The following DNAJC3 variants were observed in gnomAD, a reference collection of about 807,000 sequenced individuals.
DNAJC3 encodes dnaJ homolog subfamily C member 3.
DNAJC3 carries 38 observed loss-of-function variants against 68.6 expected under a neutral mutation model. The observed-to-expected ratio is 0.55, with a 90% confidence interval of 0.43 to 0.73. The LOEUF is 0.73. Ranked by LOEUF, DNAJC3 falls within the 30% of genes least tolerant of loss-of-function variation. DNAJC3 has a pLI of 0.00. For missense variants in DNAJC3, 526 were observed against 591.9 expected (o/e 0.89, Z 1.16); for synonymous variants, 203 against 204.0 (o/e 1.00, Z 0.04).
At position 95,711,503 on chromosome 13, in the gene DNAJC3, TA is replaced by T. The variant is rs147391726; in HGVS notation, c.193+2173del. ...GCAGAGTGAGACTCCATCTCAAAAT[TA>T]AAAAAACAGAAAACAAAAACTCTAC... On this transcript the variant is annotated intron_variant, in intron 2 of 11. Coordinates refer to ENST00000602402, the MANE Select transcript of DNAJC3 (RefSeq NM_006260.5). Among the ~76,000 whole-genome samples the T allele has an allele frequency of 1.3e-5, 2 of 150,852 alleles. 1 individual carries two copies. Among genetic ancestry groups the T allele is most frequent in the Non-Finnish European group, 3.0e-5 (2 of 67,772 alleles).
intron 2 of DNAJC3, among the ~76,000 whole-genome samples, chr13:95,714,672 CT>C (rs1390874207): frequency 1.3e-5 from 2 of 152,178 alleles, no homozygotes; most frequent in Admixed American, 1.3e-4. Flanking sequence ...ACTAAGTCCA[CT>C]ATTTTTCTGG....
At chr13:95,768,241 G>A (rs998168846) in intron 9 of DNAJC3, among the ~76,000 whole-genome samples, 2 of 152,100 alleles carry the variant, frequency 1.3e-5, no homozygotes, top group Non-Finnish European at 2.9e-5. Context: ...AATAAGAATA[G>A]TACTTATCTC....
At chr13:95,770,264 G>GA (rs566625500) in intron 9 of DNAJC3, among the ~76,000 whole-genome samples, 96 of 141,432 alleles carry the variant, frequency 6.8e-4, no homozygotes, top group East Asian at 1.0e-3. Flanking sequence ...TTTAAGAAAG[G>GA]AAAAAAAAAA....
At position 95,794,508 on chromosome 13, in the gene DNAJC3, T is replaced by A. The variant is rs568616826; in HGVS notation, c.*3478T>A. Reference sequence around the variant, plus strand: ...GGAAGGAAGAAGGCAAATGTTAATTTGCCAACAACGAATATCCTTTTTCTA... The same window carrying A: ...GGAAGGAAGAAGGCAAATGTTAATTAGCCAACAACGAATATCCTTTTTCTA... On this transcript the variant is annotated 3_prime_UTR_variant, in exon 12 of 12. Coordinates refer to ENST00000602402, the MANE Select transcript of DNAJC3 (RefSeq NM_006260.5). 1 of 152,370 alleles carries A rather than the reference T, an allele frequency of 6.6e-6. No homozygotes were observed. The highest frequency in any genetic ancestry group is 2.1e-4 in the South Asian group (1 of 4,830). The allele number at this position is 152,370 out of a possible 1,614,324, so 9.4% of individuals were successfully genotyped here.
chr13:95,781,314 C>T (rs781216503), intron 9 of DNAJC3, among the ~76,000 whole-genome samples: 2 of 152,084 alleles, frequency 1.3e-5, no homozygotes, highest in Non-Finnish European at 2.9e-5. Flanking sequence ...AGTCATCTCA[C>T]GGACTATCCT....
At chr13:95,679,943 T>C (rs900586502) in intron 1 of DNAJC3, among the ~76,000 whole-genome samples, 5 of 152,254 alleles carry the variant, frequency 3.3e-5, no homozygotes, top group African/African-American at 1.2e-4. Context: ...TTGCCTTTGT[T>C]TTCTTCTAGA....
intron 1 of DNAJC3, chr13:95,693,556 C>CCAGACAA (rs1232776709): frequency 6.6e-6 from 1 of 152,164 alleles, no homozygotes; most frequent in Non-Finnish European, 1.5e-5. Flanking sequence ...CCTCTTCCCC[C>CCAGACAA]CAGACAACAG....
intron 3 of DNAJC3, 29 bp from the exon 4 acceptor site, chr13:95,725,149 A>G (rs1474791403): frequency 2.3e-5 from 34 of 1,480,040 alleles, no homozygotes; most frequent in Non-Finnish European, 2.9e-5. Context: ...ATAATATTCA[A>G]GATAATCCTC....
intron 5 of DNAJC3, 37 bp downstream of exon 5, chr13:95,757,833 A>T: frequency 6.7e-7 from 1 of 1,488,328 alleles, no homozygotes; most frequent in Non-Finnish European, 9.1e-7. Flanking sequence ...CCAGCCTGAC[A>T]CTTATTGTAA....
Position 95,793,264 on chromosome 13 carries a change from A to G in DNAJC3, c.*2234A>G, listed in dbSNP as rs956472510. 3 of 152,116 alleles carry G rather than the reference A, an allele frequency of 2.0e-5. No homozygotes were observed. The highest frequency in any genetic ancestry group is 2.0e-4 in the Admixed American group (3 of 15,266). The allele number at this position is 152,116 out of a possible 1,614,324, so 9.4% of individuals were successfully genotyped here. On this transcript the variant is annotated 3_prime_UTR_variant, in exon 12 of 12. Transcript: ENST00000602402. Reference sequence around the variant, plus strand: ...TCGCTGATTCATGAAGAAAGTAACAACTGTTGAGTTTCAGCCTTGATGGCT... The same window carrying G: ...TCGCTGATTCATGAAGAAAGTAACAGCTGTTGAGTTTCAGCCTTGATGGCT...
chr13:95,724,184 A>G (rs966553384), intron 3 of DNAJC3, among the ~76,000 whole-genome samples: 3 of 152,218 alleles, frequency 2.0e-5, no homozygotes, highest in Non-Finnish European at 4.4e-5. Context: ...CCTTTCACAA[A>G]GGTTAAATGG....
chr13:95,764,053 T>C, intron 9 of DNAJC3, 100 bp downstream of exon 9: 2 of 1,506,906 alleles, frequency 1.3e-6, no homozygotes, highest in Non-Finnish European at 1.8e-6. Flanking sequence ...CCAGAGTACC[T>C]GGAAATGTTG....
intron 1 of DNAJC3, among the ~76,000 whole-genome samples, chr13:95,679,788 A>G (rs1259937369): frequency 6.6e-6 from 1 of 152,244 alleles, no homozygotes; most frequent in Admixed American, 6.5e-5. Context: ...TCATAATACT[A>G]TGTTGTAAAC....
chr13:95,704,858 T>G (rs948579295), intron 1 of DNAJC3, among the ~76,000 whole-genome samples: 6 of 140,300 alleles, frequency 4.3e-5, no homozygotes, highest in East Asian at 4.0e-4. Flanking sequence ...TGTGTTTTTT[T>G]TTTTTTTTTT....
chr13:95,786,493 A>C (rs531535906), intron 10 of DNAJC3, among the ~76,000 whole-genome samples: 3 of 152,344 alleles, frequency 2.0e-5, no homozygotes, highest in African/African-American at 7.2e-5. Flanking sequence ...ATAAAAGTAC[A>C]TACTAAGTAA....
At chr13:95,711,272 T>C (rs1284530615) in intron 2 of DNAJC3, among the ~76,000 whole-genome samples, 2 of 152,074 alleles carry the variant, frequency 1.3e-5, no homozygotes, top group East Asian at 3.9e-4. Flanking sequence ...GCTGAGGTGG[T>C]GGATCACTTG....
At chr13:95,700,244 C>T (rs1880549853) in intron 1 of DNAJC3, among the ~76,000 whole-genome samples, 1 of 152,144 alleles carries the variant, frequency 6.6e-6, no homozygotes, top group African/African-American at 2.4e-5. Context: ...CATCACTGAG[C>T]TCACCTACCA....
intron 1 of DNAJC3, among the ~76,000 whole-genome samples, chr13:95,708,002 G>T (rs76669168): frequency 6.6e-6 from 1 of 152,282 alleles, no homozygotes; most frequent in East Asian, 1.9e-4. Context: ...AATCTGGAGT[G>T]TGTGGGCTGA....
intron 1 of DNAJC3, 109 bp from the exon 2 acceptor site, chr13:95,709,118 C>T (rs1298914836): frequency 2.9e-6 from 2 of 698,792 alleles, no homozygotes; most frequent in South Asian, 7.6e-5. Context: ...TGTGACTTTT[C>T]TCATCTGAGT....
Sources: gnomAD v4.1 joint callset for allele counts (sites outside exome capture counted in the v4.1 genomes callset) on GRCh38, gnomAD v4.1.1 for gene constraint, MANE v1.5 for transcripts, NCBI Gene and HGNC (gene_info 2026-07-23, HGNC 2026-07-21) for gene names.